The following DNAH9 variants were observed in gnomAD, a reference collection of about 807,000 sequenced individuals.
DNAH9 encodes DNAH9 variant protein.
Under a neutral mutation model 471.6 loss-of-function variants are expected in DNAH9, and 345 were observed. The observed-to-expected ratio is 0.73, with a 90% CI of 0.67 to 0.80. The LOEUF is 0.80. DNAH9 is among the 30% of genes least tolerant of loss of function. DNAH9 has a pLI of 0.00. For missense variants in DNAH9, 5,407 were observed against 5,609.2 expected, an observed-to-expected ratio of 0.96 and a Z score of 1.15; for synonymous variants, 2,093 against 2,123.6, an observed-to-expected ratio of 0.99 and a Z score of 0.40.
At chr17:11,923,723 G>T in intron 61 of DNAH9, 91 bp from the exon 62 acceptor site, 2 of 1,517,552 alleles carry the variant, frequency 1.3e-6, no homozygotes, top group Non-Finnish European at 9.0e-7. Flanking sequence ...CGTGTTTGAG[G>T]GGTGATCTGA....
intron 41 of DNAH9, among the ~76,000 whole-genome samples, chr17:11,792,913 G>A (rs1231519919): frequency 6.6e-6 from 1 of 152,126 alleles, no homozygotes; most frequent in East Asian, 1.9e-4. Context: ...ATACAAAATG[G>A]ATTTAGTAAT....
chr17:11,877,976 C>T (rs1205597990), intron 53 of DNAH9, among the ~76,000 whole-genome samples: 2 of 152,232 alleles, frequency 1.3e-5, no homozygotes, highest in African/African-American at 2.4e-5. Flanking sequence ...TCAGGTAATC[C>T]ACCTGCCTCA....
At chr17:11,602,493 C>T (rs955668462) in intron 1 of DNAH9, among the ~76,000 whole-genome samples, 1 of 152,104 alleles carries the variant, frequency 6.6e-6, no homozygotes, top group African/African-American at 2.4e-5. Flanking sequence ...CTTGTTCCTC[C>T]TTGCTGCTCT....
In DNAH9 at chr17:11,706,146, G is replaced by A. The variant is rs1377009004; in HGVS notation, c.5552+961G>A. Among the ~76,000 whole-genome samples, 4 of 152,212 alleles carry A rather than the reference G, an allele frequency of 2.6e-5. No individual in the cohort carries two copies. The East Asian group carries it at 7.7e-4, about 29-fold the overall frequency. ...AAAAGACAGTAATACTCCTAAGGAG[G>A]TTAGTATATAAGTGCTCAGTAATCG... is the stretch of plus-strand genomic sequence containing the variant. On this transcript the variant is annotated intron_variant, in intron 26 of 68. Coordinates refer to ENST00000262442, the MANE Select transcript of DNAH9 (RefSeq NM_001372.4).
intron 52 of DNAH9, among the ~76,000 whole-genome samples, 173 bp from the exon 53 acceptor site, chr17:11,874,776 G>A (rs1972411606): frequency 6.6e-6 from 1 of 152,116 alleles, no homozygotes; most frequent in South Asian, 2.1e-4. Context: ...AAGCTATCAG[G>A]ACTTTAATAG....
chr17:11,666,517 G>A (rs1437130775), intron 15 of DNAH9, among the ~76,000 whole-genome samples: 1 of 152,188 alleles, frequency 6.6e-6, no homozygotes, highest in Non-Finnish European at 1.5e-5. Flanking sequence ...TCACAATATA[G>A]AGGCCCTTCG....
At chr17:11,862,306 G>A (rs62060923) in intron 50 of DNAH9, among the ~76,000 whole-genome samples, 2 of 120,004 alleles carry the variant, frequency 1.7e-5, no homozygotes, top group African/African-American at 6.3e-5. Context: ...TTTTTCTCAG[G>A]TTTGTCAAAG....
intron 33 of DNAH9, among the ~76,000 whole-genome samples, chr17:11,753,357 T>C (rs1967236469): frequency 6.6e-6 from 1 of 152,180 alleles, no homozygotes. Context: ...TGGTGTCAAA[T>C]ATTGTTCCAT....
chr17:11,705,170 C>T lies in DNAH9; in HGVS notation c.5537C>T (p.Thr1846Ile), dbSNP rs1164109601. The change falls in exon 26 of 69, where the codon ACA becomes ATA. Residue 1846 changes from threonine to isoleucine, a missense_variant. Thr to Ile is a moderately conservative substitution (Grantham distance 89). Around this residue, in one of 3 missense-constraint regions of DNAH9, gnomAD observed 4,636 missense variants for 4,900.3 expected, o/e 0.95. Transcript: ENST00000262442. ...YLGNTPRLVI[T>I]PLTDRCYITL... ...GGAAACACACCTCGCTTGGTGATCA[C>T]ACCTTTGACTGACAGGTGAGCACTG... is the stretch of plus-strand genomic sequence containing the variant. 6.2e-7 allele frequency: 1 copy of T among 1,614,138 alleles called. No individual in the cohort carries two copies.
At chr17:11,672,617 T>C (rs1026431585) in intron 17 of DNAH9, among the ~76,000 whole-genome samples, 20 of 152,154 alleles carry the variant, frequency 1.3e-4, no homozygotes, top group African/African-American at 4.1e-4. Context: ...TCTTAGCGTC[T>C]GGCTCAGAGG....
In DNAH9 at chr17:11,669,483, G is replaced by A. The variant is rs753540554; in HGVS notation, c.3042G>A (p.Ser1014=). 1.9e-6 allele frequency: 3 copies of A among 1,614,128 alleles called. No homozygotes were observed. Among genetic ancestry groups the A allele is most frequent in the African/African-American group, 1.3e-5 (1 of 75,026 alleles). The change falls in exon 17 of 69, where the codon TCG becomes TCA. Residue 1014 remains serine, a synonymous_variant. Coordinates refer to ENST00000262442, the MANE Select transcript of DNAH9 (RefSeq NM_001372.4). ...CGYQSTFSQY[S]YLYVEDRKEV... Reference sequence around the variant, plus strand: ...ATCAGAGCACCTTCAGCCAGTATTCGTACCTCTATGTGGAGGACCGGAAGG... The same window carrying A: ...ATCAGAGCACCTTCAGCCAGTATTCATACCTCTATGTGGAGGACCGGAAGG...
intron 63 of DNAH9, 25 bp downstream of exon 63, chr17:11,930,118 A>C: frequency 1.3e-6 from 2 of 1,590,822 alleles, no homozygotes; most frequent in East Asian, 4.5e-5. Context: ...GGGAGGCAAA[A>C]ACAGCAGCAC....
intron 61 of DNAH9, among the ~76,000 whole-genome samples, chr17:11,920,918 A>G (rs1051320985): frequency 1.3e-5 from 2 of 152,182 alleles, no homozygotes; most frequent in African/African-American, 4.8e-5. Flanking sequence ...AGGTGGGTGG[A>G]TCACTTGGGG....
At chr17:11,813,669 G>T (rs566681875) in intron 45 of DNAH9, among the ~76,000 whole-genome samples, 39 of 152,290 alleles carry the variant, frequency 2.6e-4, no homozygotes, top group African/African-American at 9.1e-4. Flanking sequence ...ATGATCTCAT[G>T]CCCTGGGCGG....
chr17:11,905,876 T>C (rs1973581415), intron 61 of DNAH9, 67 bp downstream of exon 61: 2 of 1,499,810 alleles, frequency 1.3e-6, no homozygotes, highest in Admixed American at 2.3e-5. Flanking sequence ...TTGGGGTCTA[T>C]TGATTTCTCT....
At chr17:11,840,122 A>G (rs577919788) in intron 49 of DNAH9, among the ~76,000 whole-genome samples, 2 of 152,342 alleles carry the variant, frequency 1.3e-5, no homozygotes, top group South Asian at 4.1e-4. Flanking sequence ...TCCTTTATTC[A>G]TTGCAGCCTC....
intron 26 of DNAH9, among the ~76,000 whole-genome samples, chr17:11,714,108 T>C (rs2074919074): frequency 1.3e-5 from 2 of 152,224 alleles, no homozygotes. Context: ...AGTTTAAATA[T>C]TAAAGCGTTA....
intron 49 of DNAH9, among the ~76,000 whole-genome samples, chr17:11,839,094 G>T (rs1371351499): frequency 1.3e-5 from 2 of 152,180 alleles, no homozygotes; most frequent in South Asian, 4.1e-4. Flanking sequence ...GGTTTATCTT[G>T]CAATTTCATG....
At chr17:11,643,929 G>A (rs1351751024) in intron 10 of DNAH9, among the ~76,000 whole-genome samples, 2 of 152,232 alleles carry the variant, frequency 1.3e-5, no homozygotes, top group East Asian at 3.9e-4. Flanking sequence ...CAAAAAATAA[G>A]GCATAAAAGA....
Sources: allele counts gnomAD v4.1 joint callset (sites outside exome capture counted in the v4.1 genomes callset), GRCh38; gene constraint gnomAD v4.1.1; regional missense constraint gnomAD v4.1.1; transcripts MANE v1.5; gene names NCBI Gene and HGNC (gene_info 2026-07-23, HGNC 2026-07-21).